The following PACRG variants were observed in gnomAD, a reference collection of about 807,000 sequenced individuals.
PACRG encodes the protein parkin coregulated gene protein.
Under a neutral mutation model 29.7 loss-of-function variants are expected in PACRG, and 29 were observed. The ratio of observed to expected loss-of-function variants is 0.98; its 90% CI spans 0.73 to 1.33. The LOEUF (loss-of-function observed/expected upper bound fraction) is 1.33, where lower values mean the gene tolerates loss of function less well. Among genes scored for constraint, PACRG ranks in the 40% most tolerant of loss-of-function variants. The pLI, the probability that PACRG is intolerant of heterozygous loss-of-function variation, is 0.00. For missense variants in PACRG, 279 were observed against 316.2 expected, an observed-to-expected ratio of 0.88 and a Z score of 0.89; for synonymous variants, 116 against 118.7, an observed-to-expected ratio of 0.98 and a Z score of 0.15.
chr6:163,272,848 A>G (rs1289688702), intron 4 of PACRG, among the ~76,000 whole-genome samples: 1 of 150,982 alleles, frequency 6.6e-6, no homozygotes, highest in African/African-American at 2.4e-5. Context: ...GTAATGAACC[A>G]TCCTTACATT....
intron 1 of PACRG, among the ~76,000 whole-genome samples, chr6:162,791,634 A>G (rs1784955682): frequency 6.6e-6 from 1 of 152,156 alleles, no homozygotes; most frequent in Non-Finnish European, 1.5e-5. Flanking sequence ...CACTTGTCTT[A>G]GTCTTCCCTT....
intron 2 of PACRG, among the ~76,000 whole-genome samples, chr6:162,894,057 G>T (rs945033119): frequency 2.6e-5 from 4 of 152,182 alleles, no homozygotes; most frequent in African/African-American, 9.7e-5. Context: ...TTTTCATTCT[G>T]GTTTTGCTGA....
At chr6:162,736,777 T>A (rs1030660700) in intron 1 of PACRG, among the ~76,000 whole-genome samples, 6 of 152,084 alleles carry the variant, frequency 3.9e-5, no homozygotes, top group Non-Finnish European at 7.4e-5. Context: ...CCTACCTGTA[T>A]GTTTGTATAG....
intron 4 of PACRG, among the ~76,000 whole-genome samples, chr6:163,202,697 T>G (rs919874597): frequency 2.0e-5 from 3 of 152,226 alleles, no homozygotes; most frequent in Non-Finnish European, 4.4e-5. Context: ...CTTGGATTGA[T>G]TCCTTGCTTG....
At chr6:163,046,831 A>G (rs915447309) in intron 2 of PACRG, 2 of 152,150 alleles carry the variant, frequency 1.3e-5, no homozygotes, top group African/African-American at 4.8e-5. Flanking sequence ...TTTTTGCTTT[A>G]GCAAAATTTG....
At chr6:162,863,331 C>T (rs1298751569) in intron 2 of PACRG, among the ~76,000 whole-genome samples, 1 of 152,206 alleles carries the variant, frequency 6.6e-6, no homozygotes, top group Non-Finnish European at 1.5e-5. Context: ...CCCTCCAGCG[C>T]AGTGATTGAT....
At chr6:162,893,936 A>C (rs889655035) in intron 2 of PACRG, among the ~76,000 whole-genome samples, 2 of 152,214 alleles carry the variant, frequency 1.3e-5, no homozygotes, top group East Asian at 3.8e-4. Flanking sequence ...TAGTGGCACA[A>C]TCAATCACGA....
chr6:163,071,181 A>G (rs1389952379), intron 3 of PACRG, among the ~76,000 whole-genome samples: 1 of 152,112 alleles, frequency 6.6e-6, no homozygotes, highest in African/African-American at 2.4e-5. Context: ...AATCTGTACT[A>G]TAGACCAAAT....
intron 4 of PACRG, among the ~76,000 whole-genome samples, chr6:163,090,557 T>TAG (rs1236068013): frequency 1.3e-5 from 2 of 152,196 alleles, no homozygotes; most frequent in Non-Finnish European, 2.9e-5. Flanking sequence ...TTGAGTCTCT[T>TAG]ATTGTTAAAA....
chr6:162,748,304 A>G (rs1266604147), intron 1 of PACRG, among the ~76,000 whole-genome samples: 1 of 152,196 alleles, frequency 6.6e-6, no homozygotes, highest in African/African-American at 2.4e-5. Flanking sequence ...CAGTCTGGCC[A>G]TCGTGGTGAA....
chr6:163,187,906 A>G (rs1780028250), intron 4 of PACRG: 1 of 152,188 alleles, frequency 6.6e-6, no homozygotes, highest in Non-Finnish European at 1.5e-5. Flanking sequence ...TCCCCTTTAT[A>G]TTCCTCGGGT....
intron 2 of PACRG, among the ~76,000 whole-genome samples, chr6:162,862,780 C>T (rs1791972766): frequency 6.6e-6 from 1 of 152,130 alleles, no homozygotes; most frequent in South Asian, 2.1e-4. Flanking sequence ...TGGGGAAGTG[C>T]CACCACATCC....
chr6:163,231,820 G>A (rs1782055805), intron 4 of PACRG, among the ~76,000 whole-genome samples: 1 of 152,182 alleles, frequency 6.6e-6, no homozygotes, highest in South Asian at 2.1e-4. Context: ...AGGTGCAAGA[G>A]CCTCTCCAGA....
chr6:162,887,682 A>T (rs1794449529), intron 2 of PACRG, among the ~76,000 whole-genome samples: 1 of 152,126 alleles, frequency 6.6e-6, no homozygotes, highest in South Asian at 2.1e-4. Context: ...TTGAACTTGA[A>T]TCTTGAGATA....
intron 2 of PACRG, among the ~76,000 whole-genome samples, chr6:162,943,295 T>C (rs868004738): frequency 1.3e-5 from 2 of 152,148 alleles, no homozygotes; most frequent in Non-Finnish European, 2.9e-5. Context: ...GGCCCATTGA[T>C]ATCCCCCATC....
chr6:162,756,017 T>C (rs775614778), intron 1 of PACRG, among the ~76,000 whole-genome samples: 14 of 152,344 alleles, frequency 9.2e-5, no homozygotes, highest in South Asian at 8.3e-4. Context: ...AAATACTTAA[T>C]ATTATTTCAG....
intron 3 of PACRG, among the ~76,000 whole-genome samples, chr6:163,073,417 A>T (rs1007083262): frequency 1.3e-5 from 2 of 152,198 alleles, no homozygotes; most frequent in African/African-American, 4.8e-5. Context: ...CTCTCACCAT[A>T]TACAAAAATC....
intron 2 of PACRG, among the ~76,000 whole-genome samples, chr6:163,047,089 G>A (rs1219783766): frequency 6.6e-6 from 1 of 152,170 alleles, no homozygotes; most frequent in Non-Finnish European, 1.5e-5. Context: ...TTCAAGGAGA[G>A]TTTTTGTAAA....
At chr6:163,231,294 G>A (rs1300086467) in intron 4 of PACRG, among the ~76,000 whole-genome samples, 1 of 152,216 alleles carries the variant, frequency 6.6e-6, no homozygotes, top group Non-Finnish European at 1.5e-5. Flanking sequence ...CCCACTCACT[G>A]CCATGCCACT....
Sources: allele counts gnomAD v4.1 joint callset (sites outside exome capture counted in the v4.1 genomes callset), GRCh38; gene constraint gnomAD v4.1.1; transcripts MANE v1.5; gene names NCBI Gene and HGNC (gene_info 2026-07-23, HGNC 2026-07-21).